Variants in LRCH2 observed in about 807,000 individuals in gnomAD.
LRCH2 encodes the protein leucine rich repeats and calponin homology domain containing 2.
Under a neutral mutation model 68.9 loss-of-function variants are expected in LRCH2, and 38 were observed. The observed-to-expected ratio is 0.55, with a 90% CI of 0.43 to 0.72. LRCH2 has a LOEUF of 0.72. Ranked by LOEUF, LRCH2 falls within the 30% of genes least tolerant of loss-of-function variation. The probability of loss-of-function intolerance (pLI) is 0.00; values close to 1 mark genes in which losing one functional copy is unlikely to be tolerated. For synonymous variants in LRCH2, 191 were observed against 208.1 expected, an observed-to-expected ratio of 0.92 and a Z score of 0.71; for missense variants, 528 against 572.9, an observed-to-expected ratio of 0.92 and a Z score of 0.80.
intron 11 of LRCH2, among the ~76,000 whole-genome samples, chrX:115,159,865 A>C (rs1556540945): frequency 9.0e-6 from 1 of 110,972 alleles, no homozygotes; most frequent in Non-Finnish European, 1.9e-5. Context: ...AGACTTTAAA[A>C]CCTTATGAGT....
chrX:115,226,299 C>T (rs1359446746), intron 1 of LRCH2, among the ~76,000 whole-genome samples: 3 of 111,204 alleles, frequency 2.7e-5, no homozygotes, highest in African/African-American at 9.8e-5. Flanking sequence ...ATAAAAATTA[C>T]CACAGTTAAA....
At position 115,112,473 on chromosome X, in the gene LRCH2, A is replaced by G. The variant is rs999423146; in HGVS notation, c.*743T>C. Reference sequence around the variant, plus strand: ...AAGGGAAACTGCAATGGACTAACTAAAAAACCACAAATGTCACAATGTGAG... The same window carrying G: ...AAGGGAAACTGCAATGGACTAACTAGAAAACCACAAATGTCACAATGTGAG... On this transcript the variant is annotated 3_prime_UTR_variant, in exon 21 of 21. Transcript: ENST00000317135. 8.9e-6 allele frequency: 1 copy of G among 112,113 alleles called. No individual in the cohort carries two copies. The highest frequency in any genetic ancestry group is 3.2e-5 in the African/African-American group (1 of 30,883). 9.2% of individuals were successfully genotyped at this position (112,113 alleles called of 1,213,427 possible).
In LRCH2 at chrX:115,110,922, T is replaced by C. The variant is rs1423631826; in HGVS notation, c.*2294A>G. On this transcript the variant is annotated 3_prime_UTR_variant, in exon 21 of 21. Transcript: ENST00000317135. ...TATCTATTAAATTTTGGGGGCCTAATAAAATATTTTTGATTATTCAACTGT... is the reference window on the plus strand; with the variant it reads ...TATCTATTAAATTTTGGGGGCCTAACAAAATATTTTTGATTATTCAACTGT... 1 of 112,012 alleles carries C rather than the reference T, an allele frequency of 8.9e-6. No homozygotes were observed. Among genetic ancestry groups the C allele is most frequent in the Non-Finnish European group, 1.9e-5 (1 of 53,195 alleles). 9.2% of individuals were successfully genotyped at this position (112,012 alleles called of 1,213,427 possible). A position where few individuals can be genotyped will look rare whatever the true frequency, so the allele number is the denominator to read the frequency against.
intron 14 of LRCH2, among the ~76,000 whole-genome samples, chrX:115,138,417 C>T (rs1240351025): frequency 1.8e-5 from 2 of 111,623 alleles, no homozygotes; most frequent in Non-Finnish European, 3.8e-5. Context: ...TTCCCTGGGT[C>T]TTTGGGTCTT....
rs2072856993 is a variant in LRCH2 at position 115,192,896 on chromosome X, A to G, written c.350-4526T>C. The G allele has an allele frequency of 1.8e-5, 6 of 341,275 alleles. No individual in the cohort carries two copies. In the South Asian group the frequency reaches 2.9e-4, roughly 17 times the overall value. The allele number at this position is 341,275 out of a possible 1,213,427, so 28.1% of individuals were successfully genotyped here. The stretch of plus-strand genomic sequence containing the variant: ...CCTGAGTCTTAGTCTTCTTCTATTT[A>G]CAAGTTGAAATACGATTAATGGCTT... On this transcript the variant is annotated intron_variant, in intron 1 of 20. Transcript: ENST00000317135.
intron 5 of LRCH2, among the ~76,000 whole-genome samples, chrX:115,174,604 CA>C (rs2072632857): frequency 1.4e-5 from 1 of 71,971 alleles, no homozygotes; most frequent in Non-Finnish European, 2.9e-5. Context: ...CCCCCCCCCA[CA>C]CACACACACA....
At position 115,233,935 on chromosome X, in the gene LRCH2, C is replaced by T; in HGVS notation, c.107G>A (p.Gly36Glu). Residue 36 changes from glycine (G) to glutamate (E), a missense_variant, in exon 1 of 21, where the codon GGA becomes GAA. Gly to Glu is a moderately conservative substitution (Grantham distance 98). Transcript: ENST00000317135. ...CCCGCCGCCGCCGCCGCCTCCCCCT[C>T]CAGCCCCGCCACCTCCCCCTCCAGC... is the stretch of plus-strand genomic sequence containing the variant. Reference protein sequence around the residue: ...GTAGGGGGGAGGGGGGGGGTL... With the variant: ...GTAGGGGGGAEGGGGGGGGTL... 7 of 1,153,345 alleles carry T rather than the reference C, an allele frequency of 6.1e-6. No homozygotes were observed. The highest frequency in any genetic ancestry group is 8.1e-6 in the Non-Finnish European group (7 of 864,322).
chrX:115,113,183 G>C lies in LRCH2; in HGVS notation c.*33C>G. 9.1e-7 allele frequency: 1 copy of C among 1,097,237 alleles called. No individual in the cohort carries two copies. Among genetic ancestry groups the C allele is most frequent in the Non-Finnish European group, 1.2e-6 (1 of 823,538 alleles). 90.4% of individuals were successfully genotyped at this position (1,097,237 alleles called of 1,213,427 possible). On this transcript the variant is annotated 3_prime_UTR_variant, in exon 21 of 21. Coordinates refer to ENST00000317135, the MANE Select transcript of LRCH2 (RefSeq NM_020871.4). The stretch of plus-strand genomic sequence containing the variant: ...ATATTTGAAATCACTTCAAATAAAT[G>C]AAACTATACACTTAGAATTTTAAAA...
In LRCH2 at chrX:115,113,083, T is replaced by C. The variant is rs1366703767; in HGVS notation, c.*133A>G. On this transcript the variant is annotated 3_prime_UTR_variant, in exon 21 of 21. Transcript: ENST00000317135. ...AATGTTTAAGTTTGATGTTTCAATGTAATTTTTTTAAAATCCTAAGGCGTG... is the reference window on the plus strand; with the variant it reads ...AATGTTTAAGTTTGATGTTTCAATGCAATTTTTTTAAAATCCTAAGGCGTG... The C allele has an allele frequency of 1.9e-6, 1 of 519,140 alleles. No homozygotes were observed. The highest frequency in any genetic ancestry group is 2.8e-6 in the Non-Finnish European group (1 of 359,075). 42.8% of individuals were successfully genotyped at this position (519,140 alleles called of 1,213,427 possible).
Position 115,130,188 on chromosome X carries a change from C to T in LRCH2, c.1707G>A (p.Met569Ile). ...TTTCATTGCCACTTGAACTCTTCCT[C>T]ATTGATTTATACTGAAAAATATTTA... is the stretch of plus-strand genomic sequence containing the variant. ...IRKEYFKYKS[M>I]RKSSSGNEND... is the part of the protein sequence containing the mutation. Residue 569 changes from methionine to isoleucine, a missense_variant, in exon 15 of 21, where the codon ATG becomes ATA. Transcript: ENST00000317135. 1 of 1,025,963 alleles carries T rather than the reference C, an allele frequency of 9.7e-7. No individual in the cohort carries two copies. Among genetic ancestry groups the T allele is most frequent in the Non-Finnish European group, 1.3e-6 (1 of 750,829 alleles). The allele number at this position is 1,025,963 out of a possible 1,213,427, so 84.6% of individuals were successfully genotyped here.
Position 115,149,912 on chromosome X carries a change from TC to T in LRCH2, c.1609del (p.Glu537AsnfsTer10). On this transcript the variant is annotated frameshift_variant, in exon 14 of 21. Coordinates refer to ENST00000317135, the MANE Select transcript of LRCH2 (RefSeq NM_020871.4). LOFTEE classifies it high-confidence loss of function. Reference sequence around the variant, plus strand: ...AGGGTGAGATTCTGGCCACGGTTGTTCATCTATTTGATCCTTCTGATTTTCT... The same window carrying T: ...AGGGTGAGATTCTGGCCACGGTTGTTATCTATTTGATCCTTCTGATTTTCT... ...PLENQKDQID[E>X]QPWPESHPII... The T allele has an allele frequency of 8.3e-7, 1 of 1,204,013 alleles. No individual in the cohort carries two copies. The highest frequency in any genetic ancestry group is 1.1e-6 in the Non-Finnish European group (1 of 890,697).
intron 20 of LRCH2, among the ~76,000 whole-genome samples, chrX:115,116,340 G>C (rs782629529): frequency 1.8e-5 from 2 of 111,278 alleles, no homozygotes; most frequent in Non-Finnish European, 1.9e-5. Flanking sequence ...ACAACATGTG[G>C]TATGTATTTA....
chrX:115,178,810 A>G (rs2072670571), intron 5 of LRCH2, among the ~76,000 whole-genome samples: 1 of 112,454 alleles, frequency 8.9e-6, no homozygotes. Context: ...TTTCACTGCT[A>G]CTTGCTCCTC....
At chrX:115,172,997 T>C (rs1556548083) in intron 5 of LRCH2, among the ~76,000 whole-genome samples, 5 of 111,136 alleles carry the variant, frequency 4.5e-5, no homozygotes. Flanking sequence ...AGTTTGAATG[T>C]AGAATGTTAG....
Position 115,127,877 on chromosome X carries a change from G to A in LRCH2, c.1741-984C>T, listed in dbSNP as rs1311247059. Among the ~76,000 whole-genome samples, 9 of 111,637 alleles carry A rather than the reference G, an allele frequency of 8.1e-5. 1 individual carries two copies. Among genetic ancestry groups the A allele is most frequent in the African/African-American group, 2.9e-4 (9 of 30,745 alleles). ...GGGTAAGGTGAAAGAAGAGCAAGTTGTGAATTAAGGCTGATGTGGCAAGCA... is the reference window on the plus strand; with the variant it reads ...GGGTAAGGTGAAAGAAGAGCAAGTTATGAATTAAGGCTGATGTGGCAAGCA... On this transcript the variant is annotated intron_variant, in intron 15 of 20. Coordinates refer to ENST00000317135, the MANE Select transcript of LRCH2 (RefSeq NM_020871.4).
At chrX:115,201,333 T>A (rs1474984549) in intron 1 of LRCH2, among the ~76,000 whole-genome samples, 2 of 111,341 alleles carry the variant, frequency 1.8e-5, no homozygotes. Flanking sequence ...ATCAAGTGGG[T>A]TTTATACCAA....
At chrX:115,135,530 T>G in intron 14 of LRCH2, among the ~76,000 whole-genome samples, 1 of 111,657 alleles carries the variant, frequency 9.0e-6, no homozygotes, top group South Asian at 3.8e-4. Context: ...AAGGTAGGGA[T>G]TTTTAAGGTA....
rs188305866 is a variant in LRCH2 at position 115,178,187 on chromosome X, C to T, written c.864+1240G>A. ...TCTACCTACTCCTTAGAATAAATTC[C>T]GGACTTCTGCTGATGCAAGTAAGGA... On this transcript the variant is annotated intron_variant, in intron 5 of 20. Coordinates refer to ENST00000317135, the MANE Select transcript of LRCH2 (RefSeq NM_020871.4). 6.3e-5 allele frequency among the ~76,000 whole-genome samples: 7 copies of T among 111,364 alleles called. No individual in the cohort carries two copies. In the East Asian group the frequency reaches 1.4e-3, roughly 23 times the overall value.
At position 115,233,741 on chromosome X, in the gene LRCH2, G is replaced by C. The variant is rs1388406640; in HGVS notation, c.301C>G (p.Arg101Gly). 6.9e-5 allele frequency: 81 copies of C among 1,180,417 alleles called. 1 individual carries two copies. In the Admixed American group the frequency reaches 1.9e-3, roughly 28 times the overall value. The stretch of plus-strand genomic sequence containing the variant: ...TCGTAGCCGCTGCCCGGGAAGTCTC[G>C]GAGTTTCCGACCACTGAGGCTCAGG... ...GILSLSGRKL[R>G]DFPGSGYDLT... Residue 101 changes from arginine (R) to glycine (G), a missense_variant, in exon 1 of 21, where the codon CGA becomes GGA. Physicochemically the swap from Arg to Gly is moderately radical, Grantham distance 125 (BLOSUM62 -2). Coordinates refer to ENST00000317135, the MANE Select transcript of LRCH2 (RefSeq NM_020871.4).
Sources: allele counts gnomAD v4.1 joint callset (sites outside exome capture counted in the v4.1 genomes callset), GRCh38; gene constraint gnomAD v4.1.1; transcripts MANE v1.5; gene names NCBI Gene and HGNC (gene_info 2026-07-23, HGNC 2026-07-21).